The following MID2 variants were observed in gnomAD, a reference collection of about 807,000 sequenced individuals.
MID2 encodes probable E3 ubiquitin-protein ligase MID2.
In MID2, 13 loss-of-function variants were observed where a neutral mutation model predicts 46.1. The ratio of observed to expected loss-of-function variants is 0.28; its 90% CI spans 0.18 to 0.45. The LOEUF (loss-of-function observed/expected upper bound fraction) is 0.45, where lower values mean the gene tolerates loss of function less well. Ranked by LOEUF, MID2 falls within the 20% of genes least tolerant of loss-of-function variation. The probability of loss-of-function intolerance (pLI) is 1.00; values close to 1 mark genes in which losing one functional copy is unlikely to be tolerated. For missense variants in MID2, 431 were observed against 575.4 expected, an observed-to-expected ratio of 0.75 and a Z score of 2.57; for synonymous variants, 199 against 212.3, an observed-to-expected ratio of 0.94 and a Z score of 0.55.
chrX:107,828,005 T>C (rs898187438), intron 1 of MID2, among the ~76,000 whole-genome samples: 3 of 112,356 alleles, frequency 2.7e-5, no homozygotes, highest in Middle Eastern at 4.6e-3. Flanking sequence ...GACTGCGTCA[T>C]GGGAACAGAT....
chrX:107,903,924 A>G, intron 3 of MID2, 34 bp from the exon 4 acceptor site: 2 of 1,044,620 alleles, frequency 1.9e-6, no homozygotes, highest in African/African-American at 1.8e-5. Context: ...CAAAGGCAAC[A>G]ATCACTGTGT....
At chrX:107,867,224 C>G (rs1931975151) in intron 3 of MID2, among the ~76,000 whole-genome samples, 1 of 107,880 alleles carries the variant, frequency 9.3e-6, no homozygotes, top group Non-Finnish European at 1.9e-5. Context: ...GATCTCGGCT[C>G]ACTGCAACCT....
At chrX:107,896,164 T>C (rs1299609905) in intron 3 of MID2, 1 of 110,471 alleles carries the variant, frequency 9.1e-6, no homozygotes, top group Non-Finnish European at 1.9e-5. Context: ...CTGGCCAACA[T>C]GATGAAACCC....
At chrX:107,887,070 CAG>C (rs1200254691) in intron 3 of MID2, among the ~76,000 whole-genome samples, 1 of 111,656 alleles carries the variant, frequency 9.0e-6, no homozygotes, top group Non-Finnish European at 1.9e-5. Flanking sequence ...CATCTGCAAA[CAG>C]GGACAATTTG....
intron 3 of MID2, among the ~76,000 whole-genome samples, chrX:107,859,257 C>A (rs1931806939): frequency 9.0e-6 from 1 of 111,492 alleles, no homozygotes; most frequent in Non-Finnish European, 1.9e-5. Context: ...AGCAGATGAT[C>A]CTTAAATATT....
intron 2 of MID2, among the ~76,000 whole-genome samples, chrX:107,851,835 A>G (rs1931626444): frequency 9.4e-6 from 1 of 106,415 alleles, no homozygotes; most frequent in South Asian, 4.2e-4. Context: ...AATATGCCAT[A>G]TATTTTATTT....
At chrX:107,915,641 A>G (rs1932957640) in intron 5 of MID2, among the ~76,000 whole-genome samples, 1 of 111,744 alleles carries the variant, frequency 8.9e-6, no homozygotes, top group Non-Finnish European at 1.9e-5. Flanking sequence ...TAAACAAAAA[A>G]GAAAAATCTC....
chrX:107,890,753 C>G (rs954118926), intron 3 of MID2, among the ~76,000 whole-genome samples: 1 of 111,773 alleles, frequency 8.9e-6, no homozygotes, highest in African/African-American at 3.3e-5. Flanking sequence ...CCTTGAGCTG[C>G]GGTGGGCTCC....
At chrX:107,849,308 G>A (rs905910713) in intron 2 of MID2, among the ~76,000 whole-genome samples, 1 of 111,572 alleles carries the variant, frequency 9.0e-6, no homozygotes, top group South Asian at 3.8e-4. Flanking sequence ...ATATATGTGC[G>A]AATACATATG....
chrX:107,836,530 C>T lies in MID2; in HGVS notation c.5-4140C>T, dbSNP rs774363720. ...CCTCTCAAAGTGTTGGGATTATAGGCGTGAGCCACCACGCCCAGCCTACTT... is the reference window on the plus strand; with the variant it reads ...CCTCTCAAAGTGTTGGGATTATAGGTGTGAGCCACCACGCCCAGCCTACTT... On this transcript the variant is annotated intron_variant, in intron 1 of 9. Coordinates refer to ENST00000262843, the MANE Select transcript of MID2 (RefSeq NM_012216.4). Among the ~76,000 whole-genome samples, 11 of 110,165 alleles carry T rather than the reference C, an allele frequency of 1.0e-4. No homozygotes were observed. The East Asian group carries it at 3.1e-3, about 31-fold the overall frequency.
At chrX:107,875,829 T>C (rs73529353) in intron 3 of MID2, among the ~76,000 whole-genome samples, 4,827 of 111,830 alleles carry the variant, frequency 0.043, 268 homozygotes, top group African/African-American at 0.15. Context: ...AGAGGAGAGC[T>C]GAGAGACCAA....
At position 107,924,394 on chromosome X, in the gene MID2, A is replaced by G; in HGVS notation, c.1487A>G (p.Asn496Ser). The change falls in exon 8 of 10, where the codon AAC (asparagine) becomes AGC (serine). Residue 496 changes from asparagine (N) to serine (S), a missense_variant. Physicochemically the swap from Asn to Ser is conservative, Grantham distance 46 (BLOSUM62 1). Coordinates refer to ENST00000262843, the MANE Select transcript of MID2 (RefSeq NM_012216.4). ...ATGATTGTTCCCAACATTAAACAGAACCATTACACAGTGCATGGACTCCAG... is the reference window on the plus strand; with the variant it reads ...ATGATTGTTCCCAACATTAAACAGAGCCATTACACAGTGCATGGACTCCAG... ...SWMIVPNIKQ[N>S]HYTVHGLQSG... The G allele has an allele frequency of 8.3e-7, 1 of 1,209,697 alleles. No homozygotes were observed. The highest frequency in any genetic ancestry group is 1.1e-6 in the Non-Finnish European group (1 of 893,673).
chrX:107,916,231 T>C, intron 6 of MID2, 102 bp downstream of exon 6: 2 of 667,401 alleles, frequency 3.0e-6, no homozygotes, highest in Non-Finnish European at 4.1e-6. Flanking sequence ...ATTTACATAT[T>C]TTATAATCTT....
intron 1 of MID2, among the ~76,000 whole-genome samples, chrX:107,838,677 G>A (rs1204724313): frequency 8.9e-6 from 1 of 112,506 alleles, no homozygotes; most frequent in Non-Finnish European, 1.9e-5. Context: ...TAGGCATAAA[G>A]TATAATTGTA....
intron 3 of MID2, among the ~76,000 whole-genome samples, chrX:107,900,861 A>T (rs1233630619): frequency 2.7e-5 from 3 of 112,120 alleles, no homozygotes; most frequent in African/African-American, 9.7e-5. Flanking sequence ...GGTTTCTTTT[A>T]TATGTATATG....
At chrX:107,859,445 G>T (rs1931810722) in intron 3 of MID2, among the ~76,000 whole-genome samples, 2 of 111,925 alleles carry the variant, frequency 1.8e-5, no homozygotes, top group Admixed American at 9.5e-5. Context: ...CCTCTGGAGA[G>T]ACAGAAAGCA....
chrX:107,847,507 C>T (rs917494020), intron 2 of MID2, among the ~76,000 whole-genome samples: 3 of 111,783 alleles, frequency 2.7e-5, no homozygotes, highest in African/African-American at 9.8e-5. Context: ...GATGATTATA[C>T]ACCATGAAGA....
Position 107,930,796 on chromosome X carries a change from T to A in MID2, c.*3723T>A, listed in dbSNP as rs1933268751. 8.9e-6 allele frequency among the ~76,000 whole-genome samples: 1 copy of A among 112,709 alleles called. No individual in the cohort carries two copies. Among genetic ancestry groups the A allele is most frequent in the Admixed American group, 9.4e-5 (1 of 10,677 alleles). ...AAGAAGGTGACTGCATAAGCTTTTG[T>A]TGTTGTTGCTCTACTCAACCTGTTC... is the stretch of plus-strand genomic sequence containing the variant. On this transcript the variant is annotated 3_prime_UTR_variant, in exon 10 of 10. Coordinates refer to ENST00000262843, the MANE Select transcript of MID2 (RefSeq NM_012216.4).
intron 5 of MID2, 52 bp downstream of exon 5, chrX:107,905,678 T>C (rs770950814): frequency 1.9e-6 from 2 of 1,048,609 alleles, no homozygotes; most frequent in East Asian, 6.3e-5. Flanking sequence ...AAGAGGCCAA[T>C]TTAAAGTCAC....
Sources: gnomAD v4.1 joint callset for allele counts (sites outside exome capture counted in the v4.1 genomes callset) on GRCh38, gnomAD v4.1.1 for gene constraint, MANE v1.5 for transcripts, NCBI Gene and HGNC (gene_info 2026-07-23, HGNC 2026-07-21) for gene names.